CDH12: variants seen among roughly 807,000 people sequenced by gnomAD.
CDH12 encodes cadherin-12.
In CDH12, 41 loss-of-function variants were observed where a neutral mutation model predicts 74.1. That is an observed-to-expected ratio of 0.55 (90% CI 0.43 to 0.72). The LOEUF (loss-of-function observed/expected upper bound fraction) is 0.72. Ranked by LOEUF, CDH12 falls within the 30% of genes least tolerant of loss-of-function variation. The probability of loss-of-function intolerance (pLI) is 0.00; values close to 1 mark genes in which losing one functional copy is unlikely to be tolerated. For synonymous variants in CDH12, 399 were observed against 355.0 expected (o/e 1.12, Z -1.39); for missense variants, 945 against 977.2 (o/e 0.97, Z 0.44).
chr5:21,929,583 C>T (rs1381664070), intron 6 of CDH12, among the ~76,000 whole-genome samples: 1 of 152,064 alleles, frequency 6.6e-6, no homozygotes, highest in Non-Finnish European at 1.5e-5. Context: ...GTGGTATGAT[C>T]TCCGCTCACT....
intron 10 of CDH12, among the ~76,000 whole-genome samples, chr5:21,789,356 C>T (rs989489091): frequency 9.2e-5 from 14 of 152,030 alleles, no homozygotes; most frequent in African/African-American, 3.4e-4. Flanking sequence ...TGTATCAAGC[C>T]GAGCTGGGAC....
chr5:22,619,008 A>T (rs1737827663), intron 1 of CDH12, among the ~76,000 whole-genome samples: 1 of 151,676 alleles, frequency 6.6e-6, no homozygotes, highest in Admixed American at 6.6e-5. Context: ...AGTTCATTAA[A>T]CCCCTTTCCT....
chr5:22,232,779 C>T (rs1302720729), intron 3 of CDH12, among the ~76,000 whole-genome samples: 1 of 150,378 alleles, frequency 6.6e-6, no homozygotes, highest in East Asian at 1.9e-4. Flanking sequence ...AAAACTTTTT[C>T]TTTTATTCAT....
At chr5:22,006,938 A>G (rs1285122861) in intron 5 of CDH12, among the ~76,000 whole-genome samples, 2 of 152,128 alleles carry the variant, frequency 1.3e-5, no homozygotes, top group Admixed American at 6.6e-5. Context: ...AATACGAGTC[A>G]TTTCCTTTAA....
chr5:22,386,319 C>T (rs896713843), intron 3 of CDH12, among the ~76,000 whole-genome samples: 2 of 152,134 alleles, frequency 1.3e-5, no homozygotes, highest in Non-Finnish European at 2.9e-5. Flanking sequence ...GATTACAATT[C>T]GACATGAGAT....
At chr5:22,542,908 T>C (rs968241965) in intron 1 of CDH12, among the ~76,000 whole-genome samples, 1 of 152,132 alleles carries the variant, frequency 6.6e-6, no homozygotes, top group African/African-American at 2.4e-5. Context: ...GTAATAAATA[T>C]GATTTGTTTA....
At chr5:22,314,115 G>C (rs1264233039) in intron 3 of CDH12, among the ~76,000 whole-genome samples, 1 of 152,138 alleles carries the variant, frequency 6.6e-6, no homozygotes, top group Non-Finnish European at 1.5e-5. Context: ...GTTCCATTTG[G>C]GGCATATGGA....
intron 1 of CDH12, among the ~76,000 whole-genome samples, chr5:22,586,901 C>A (rs1005574758): frequency 4.4e-5 from 6 of 137,420 alleles, no homozygotes; most frequent in Admixed American, 1.7e-4. Context: ...GGCTGGAGTG[C>A]AATGGTGTGG....
At chr5:22,578,826 T>G (rs1056503667) in intron 1 of CDH12, among the ~76,000 whole-genome samples, 1 of 152,186 alleles carries the variant, frequency 6.6e-6, no homozygotes, top group Admixed American at 6.5e-5. Flanking sequence ...CTTGATCCGA[T>G]CATTCCAGTC....
intron 5 of CDH12, among the ~76,000 whole-genome samples, chr5:21,984,449 C>T (rs1388423884): frequency 1.3e-5 from 2 of 152,170 alleles, no homozygotes; most frequent in Non-Finnish European, 2.9e-5. Flanking sequence ...TTTGGAATCA[C>T]TGCCAAATCT....
chr5:22,335,166 T>A (rs1448257418), intron 3 of CDH12, among the ~76,000 whole-genome samples: 1 of 152,194 alleles, frequency 6.6e-6, no homozygotes, highest in African/African-American at 2.4e-5. Context: ...TCTAATTATC[T>A]GATTTTTTAA....
At chr5:22,341,700 T>C (rs1201036030) in intron 3 of CDH12, among the ~76,000 whole-genome samples, 4 of 152,156 alleles carry the variant, frequency 2.6e-5, no homozygotes, top group African/African-American at 9.7e-5. Flanking sequence ...GTTTTAGTCA[T>C]GCAGCTCTTA....
chr5:22,268,090 T>C (rs1580463677), intron 3 of CDH12, among the ~76,000 whole-genome samples: 1 of 152,018 alleles, frequency 6.6e-6, no homozygotes, highest in Non-Finnish European at 1.5e-5. Context: ...AGGCTGAGAA[T>C]GGGGAGCGTG....
chr5:22,307,605 T>A (rs1738168762), intron 3 of CDH12, among the ~76,000 whole-genome samples: 1 of 152,168 alleles, frequency 6.6e-6, no homozygotes, highest in Non-Finnish European at 1.5e-5. Context: ...AGGAGACCAT[T>A]TGACATAAAT....
intron 2 of CDH12, among the ~76,000 whole-genome samples, chr5:22,481,349 A>G (rs1450206042): frequency 6.6e-5 from 10 of 152,252 alleles, no homozygotes; most frequent in Non-Finnish European, 8.8e-5. Flanking sequence ...ACTTCCGGTT[A>G]TCGATATTCA....
At chr5:22,292,623 AAC>A (rs35149500) in intron 3 of CDH12, among the ~76,000 whole-genome samples, 22 of 149,612 alleles carry the variant, frequency 1.5e-4, no homozygotes, top group Non-Finnish European at 1.5e-4. Flanking sequence ...ATGCTTCTCA[AAC>A]ACACACACAC....
intron 4 of CDH12, among the ~76,000 whole-genome samples, chr5:22,108,413 A>G (rs4403144): frequency 0.43 from 64,827 of 152,134 alleles, 14,344 homozygotes; most frequent in Middle Eastern, 0.51. Context: ...ACAATGCATA[A>G]TCAAAAAGAT....
chr5:21,881,848 C>CT lies in CDH12; in HGVS notation c.527-27059dup, dbSNP rs929889045. Among the ~76,000 whole-genome samples, 6 of 152,142 alleles carry CT rather than the reference C, an allele frequency of 3.9e-5. No homozygotes were observed. In the East Asian group the frequency reaches 5.8e-4, roughly 15 times the overall value. ...GCATAATATGTTTTGAATCATGGAT[C>CT]TTTTTTCTTTTGTTCTTATTAATAT... On this transcript the variant is annotated intron_variant, in intron 6 of 14. Transcript: ENST00000382254.
At chr5:22,735,210 G>A (rs554958550) in intron 1 of CDH12, among the ~76,000 whole-genome samples, 25 of 151,896 alleles carry the variant, frequency 1.6e-4, no homozygotes, top group Non-Finnish European at 3.1e-4. Flanking sequence ...ATGTGTAGCC[G>A]TACATTAAAT....
Sources: gnomAD v4.1 joint callset for allele counts (sites outside exome capture counted in the v4.1 genomes callset) on GRCh38, gnomAD v4.1.1 for gene constraint, MANE v1.5 for transcripts, NCBI Gene and HGNC (gene_info 2026-07-23, HGNC 2026-07-21) for gene names.